The following BACH2 variants were observed in gnomAD, a reference collection of about 807,000 sequenced individuals.
The protein encoded by BACH2 is BACH transcriptional regulator 2, also known as transcription regulator protein BACH2.
Under a neutral mutation model 61.8 loss-of-function variants are expected in BACH2, and 5 were observed. The ratio of observed to expected loss-of-function variants is 0.08; its 90% CI spans 0.04 to 0.17. The LOEUF is 0.17. Among genes scored for constraint, BACH2 ranks in the 10% least tolerant of loss-of-function variants. The pLI, the probability that BACH2 is intolerant of heterozygous loss-of-function variation, is 1.00. For missense variants in BACH2, 824 were observed against 1,091.1 expected, an observed-to-expected ratio of 0.76 and a Z score of 3.45; for synonymous variants, 446 against 440.1, an observed-to-expected ratio of 1.01 and a Z score of -0.17.
At chr6:90,038,943 G>C (rs1454876151) in intron 5 of BACH2, among the ~76,000 whole-genome samples, 1 of 151,836 alleles carries the variant, frequency 6.6e-6, no homozygotes, top group Non-Finnish European at 1.5e-5. Context: ...AGGAGGCTGA[G>C]GCAAGAGAAT....
At chr6:89,957,061 G>A (rs1434703967) in intron 6 of BACH2, among the ~76,000 whole-genome samples, 1 of 152,198 alleles carries the variant, frequency 6.6e-6, no homozygotes, top group African/African-American at 2.4e-5. Flanking sequence ...GGAAGATAAA[G>A]GTAATGAACC....
chr6:90,017,516 C>T (rs1442042946), intron 5 of BACH2, among the ~76,000 whole-genome samples: 4 of 152,190 alleles, frequency 2.6e-5, no homozygotes, highest in Non-Finnish European at 5.9e-5. Context: ...GTCATCATGC[C>T]TAGCCACATT....
rs562736978 is a variant in BACH2, at chr6:90,162,922, C to T, written c.-162+43647G>A. ...GCAAACACATCTAGTGCTCTGAAAG[C>T]GGACTTGTAGTTGGTTTTTTAAAGA... On this transcript the variant is annotated intron_variant, in intron 4 of 8. Coordinates refer to ENST00000257749, the MANE Select transcript of BACH2 (RefSeq NM_021813.4). 7.9e-5 allele frequency among the ~76,000 whole-genome samples: 12 copies of T among 152,264 alleles called. 1 individual carries two copies. The highest frequency in any genetic ancestry group is 6.5e-4 in the Admixed American group (10 of 15,282).
chr6:90,036,539 C>T (rs561686434), intron 5 of BACH2, among the ~76,000 whole-genome samples: 2 of 152,272 alleles, frequency 1.3e-5, no homozygotes, highest in South Asian at 4.1e-4. Flanking sequence ...ACATACCCAT[C>T]ACTTAGATTC....
intron 3 of BACH2, among the ~76,000 whole-genome samples, chr6:90,221,031 GAACT>G (rs1321069583): frequency 2.0e-5 from 3 of 152,086 alleles, no homozygotes; most frequent in African/African-American, 7.2e-5. Context: ...TGCCTTATGT[GAACT>G]AACATGATAG....
chr6:90,204,090 G>A lies in BACH2; in HGVS notation c.-162+2479C>T, dbSNP rs373678787. On this transcript the variant is annotated intron_variant, in intron 4 of 8. Transcript: ENST00000257749. The stretch of plus-strand genomic sequence containing the variant: ...TCAATGTCTAACTGCAATCAGCATC[G>A]CCCTGGCACTTCAAAGGAATAACAA... 5.3e-4 allele frequency among the ~76,000 whole-genome samples: 81 copies of A among 152,188 alleles called. 2 individuals are homozygous for A. The highest frequency in any genetic ancestry group is 1.8e-3 in the African/African-American group (74 of 41,508).
chr6:89,995,714 C>A (rs1776808968), intron 6 of BACH2, among the ~76,000 whole-genome samples: 1 of 152,150 alleles, frequency 6.6e-6, no homozygotes, highest in South Asian at 2.1e-4. Flanking sequence ...ATACGTGGCA[C>A]TAGATTACAA....
At chr6:90,223,217 G>T (rs926275199) in intron 3 of BACH2, among the ~76,000 whole-genome samples, 1 of 152,166 alleles carries the variant, frequency 6.6e-6, no homozygotes, top group Non-Finnish European at 1.5e-5. Context: ...ATAAACATGT[G>T]CTGAGTACCC....
At chr6:90,085,108 C>T (rs553036004) in intron 5 of BACH2, among the ~76,000 whole-genome samples, 5 of 152,128 alleles carry the variant, frequency 3.3e-5, no homozygotes, top group African/African-American at 9.7e-5. Context: ...ACAGGACTAC[C>T]GGCCACTCAC....
intron 5 of BACH2, among the ~76,000 whole-genome samples, chr6:90,038,297 C>T (rs1779361051): frequency 6.6e-6 from 1 of 152,172 alleles, no homozygotes; most frequent in Non-Finnish European, 1.5e-5. Context: ...TATCAGCACC[C>T]CAGAATTCTC....
Position 89,932,248 on chromosome 6 carries a change from G to A in BACH2, c.*160C>T. ...GGTAACTATCACTCCTGCTCGAGAA[G>A]AGGAGAGGATACTTCGGAACAGTAT... On this transcript the variant is annotated 3_prime_UTR_variant, in exon 9 of 9. Transcript: ENST00000257749. 1 of 937,902 alleles carries A rather than the reference G, an allele frequency of 1.1e-6. No homozygotes were observed. The highest frequency in any genetic ancestry group is 1.7e-5 in the South Asian group (1 of 59,350). 58.1% of individuals were successfully genotyped at this position (937,902 alleles called of 1,614,324 possible). A position where few individuals can be genotyped will look rare whatever the true frequency, so the allele number is the denominator to read the frequency against.
intron 4 of BACH2, among the ~76,000 whole-genome samples, chr6:90,159,690 C>G (rs933013432): frequency 6.6e-6 from 1 of 152,102 alleles, no homozygotes; most frequent in African/African-American, 2.4e-5. Context: ...GAGCCCATAG[C>G]TATTGTGGTA....
At chr6:90,204,079 C>A (rs1769052841) in intron 4 of BACH2, among the ~76,000 whole-genome samples, 2 of 152,132 alleles carry the variant, frequency 1.3e-5, no homozygotes, top group Non-Finnish European at 2.9e-5. Flanking sequence ...TGTCTAACTG[C>A]AATCAGCATC....
chr6:90,062,670 A>G (rs140027348), intron 5 of BACH2, among the ~76,000 whole-genome samples: 12 of 152,262 alleles, frequency 7.9e-5, no homozygotes, highest in African/African-American at 2.9e-4. Context: ...TTTCTTCTCT[A>G]AGCCAAACAA....
chr6:90,193,196 C>T lies in BACH2; in HGVS notation c.-162+13373G>A, dbSNP rs553771236. Among the ~76,000 whole-genome samples the T allele has an allele frequency of 5.3e-5, 8 of 152,270 alleles. No individual in the cohort carries two copies. In the South Asian group the frequency reaches 1.7e-3, roughly 32 times the overall value. ...TGTTACAGGATGAATTATGTCCCCT[C>T]AAAATTCACATGGTGAAGTCCTAAC... is the stretch of plus-strand genomic sequence containing the variant. On this transcript the variant is annotated intron_variant, in intron 4 of 8. Transcript: ENST00000257749.
chr6:90,199,929 G>A (rs927688688), intron 4 of BACH2, among the ~76,000 whole-genome samples: 1 of 152,128 alleles, frequency 6.6e-6, no homozygotes, highest in African/African-American at 2.4e-5. Flanking sequence ...TAAGACATAG[G>A]CACAGTCTAA....
intron 2 of BACH2, among the ~76,000 whole-genome samples, chr6:90,265,605 G>C (rs916139232): frequency 2.0e-5 from 3 of 152,124 alleles, no homozygotes; most frequent in Non-Finnish European, 2.9e-5. Context: ...ATATACCCAG[G>C]TGAAATCTTT....
chr6:89,970,614 G>A (rs114838146), intron 6 of BACH2, among the ~76,000 whole-genome samples: 1 of 152,196 alleles, frequency 6.6e-6, no homozygotes, highest in African/African-American at 2.4e-5. Context: ...AAGGATACCA[G>A]GCATGTTTCT....
intron 7 of BACH2, among the ~76,000 whole-genome samples, chr6:89,940,024 CT>C (rs1265926912): frequency 2.0e-5 from 3 of 150,342 alleles, no homozygotes; most frequent in African/African-American, 7.3e-5. Context: ...TTTCTTTTTT[CT>C]TTTGAGATGG....
Sources: allele counts gnomAD v4.1 joint callset (sites outside exome capture counted in the v4.1 genomes callset), GRCh38; gene constraint gnomAD v4.1.1; transcripts MANE v1.5; gene names NCBI Gene and HGNC (gene_info 2026-07-23, HGNC 2026-07-21).